PRKCA: variants seen among roughly 807,000 people sequenced by gnomAD.
The protein encoded by PRKCA is protein kinase C alpha type.
PRKCA carries 27 observed loss-of-function variants against 87.0 expected under a neutral mutation model. The ratio of observed to expected loss-of-function variants is 0.31; its 90% CI spans 0.23 to 0.43. PRKCA has a LOEUF of 0.43. PRKCA is among the 20% of genes least tolerant of loss of function. The probability of loss-of-function intolerance (pLI) is 1.00; values close to 1 mark genes in which losing one functional copy is unlikely to be tolerated. For missense variants in PRKCA, 518 were observed against 852.3 expected (o/e 0.61, Z 4.88); for synonymous variants, 329 against 311.1 (o/e 1.06, Z -0.61).
intron 13 of PRKCA, among the ~76,000 whole-genome samples, chr17:66,759,343 G>A (rs1442203351): frequency 1.0e-4 from 15 of 150,280 alleles, no homozygotes; most frequent in African/African-American, 2.2e-4. Context: ...GTGACAGAGC[G>A]AGACTCCGTC....
intron 8 of PRKCA, among the ~76,000 whole-genome samples, chr17:66,722,243 T>C (rs1973632865): frequency 6.6e-6 from 1 of 152,206 alleles, no homozygotes; most frequent in African/African-American, 2.4e-5. Context: ...CCCTTTGAAA[T>C]TGCTGTTAAG....
chr17:66,557,485 A>T (rs1968534728), intron 3 of PRKCA, among the ~76,000 whole-genome samples: 1 of 152,190 alleles, frequency 6.6e-6, no homozygotes, highest in Non-Finnish European at 1.5e-5. Context: ...GAATTATGCA[A>T]GTCTTAAAAT....
intron 3 of PRKCA, among the ~76,000 whole-genome samples, chr17:66,625,260 T>C (rs187607484): frequency 1.5e-4 from 23 of 152,366 alleles, no homozygotes; most frequent in Non-Finnish European, 1.0e-4. Flanking sequence ...GAATTGCATG[T>C]AGCATAGAAA....
chr17:66,763,936 T>C (rs1176260767), intron 13 of PRKCA, among the ~76,000 whole-genome samples: 1 of 152,122 alleles, frequency 6.6e-6, no homozygotes, highest in Non-Finnish European at 1.5e-5. Context: ...TGTTAAGCAT[T>C]TGGGCCCCTT....
Position 66,438,309 on chromosome 17 carries a change from C to T in PRKCA, c.206-57892C>T, listed in dbSNP as rs369676295. On this transcript the variant is annotated intron_variant, in intron 2 of 16. Transcript: ENST00000413366. ...AGCTCAGTAGGTAAAGGGCGAATTCCGGCATTTCAGTGTCTCTTGCCATGG... is the reference window on the plus strand; with the variant it reads ...AGCTCAGTAGGTAAAGGGCGAATTCTGGCATTTCAGTGTCTCTTGCCATGG... 1.5e-4 allele frequency among the ~76,000 whole-genome samples: 23 copies of T among 152,106 alleles called. No homozygotes were observed. The East Asian group carries it at 1.5e-3, about 10-fold the overall frequency.
chr17:66,546,027 A>G (rs547791085), intron 3 of PRKCA, among the ~76,000 whole-genome samples: 1 of 152,248 alleles, frequency 6.6e-6, no homozygotes, highest in South Asian at 2.1e-4. Context: ...TTTACTTTTC[A>G]TATATCTGTG....
At chr17:66,392,894 T>C (rs1233424750) in intron 2 of PRKCA, among the ~76,000 whole-genome samples, 3 of 152,182 alleles carry the variant, frequency 2.0e-5, no homozygotes, top group African/African-American at 7.2e-5. Context: ...AAAGGCCACC[T>C]CTGAGGCACT....
chr17:66,522,809 TAAAA>T (rs1229424235), intron 3 of PRKCA, among the ~76,000 whole-genome samples: 1 of 126,360 alleles, frequency 7.9e-6, no homozygotes, highest in African/African-American at 3.0e-5. Context: ...GGTCGCTCAC[TAAAA>T]AAAAAAAAAA....
chr17:66,632,468 C>T (rs1432934006), intron 3 of PRKCA, among the ~76,000 whole-genome samples: 1 of 152,086 alleles, frequency 6.6e-6, no homozygotes, highest in Non-Finnish European at 1.5e-5. Flanking sequence ...CAAACTTGAC[C>T]TCCTGGGCTC....
chr17:66,445,434 C>T (rs78443663), intron 2 of PRKCA, among the ~76,000 whole-genome samples: 7,911 of 152,316 alleles, frequency 0.052, 278 homozygotes, highest in South Asian at 0.096. Flanking sequence ...AGAATTACCT[C>T]GGAGTAGAAG....
intron 2 of PRKCA, among the ~76,000 whole-genome samples, chr17:66,382,241 A>G (rs1218280169): frequency 6.6e-6 from 1 of 152,184 alleles, no homozygotes; most frequent in Non-Finnish European, 1.5e-5. Context: ...CTCGGGGGCA[A>G]TGCACTGAAG....
chr17:66,682,715 G>T (rs931478058), intron 5 of PRKCA, among the ~76,000 whole-genome samples: 3 of 152,148 alleles, frequency 2.0e-5, no homozygotes, highest in African/African-American at 7.2e-5. Context: ...TTTTGTTGTT[G>T]TTGTTGTTGT....
intron 13 of PRKCA, among the ~76,000 whole-genome samples, chr17:66,743,399 G>A (rs779450138): frequency 6.6e-6 from 1 of 152,306 alleles, no homozygotes; most frequent in African/African-American, 2.4e-5. Flanking sequence ...GGGTGAGACG[G>A]GGGTTGCAGT....
chr17:66,434,207 G>A lies in PRKCA; in HGVS notation c.206-61994G>A, dbSNP rs558446056. ...TCTTGAGGTTTGGAGCAGCTTAACTGGGAGAGAAGGCAGCATCCTTTAATG... is the reference window on the plus strand; with the variant it reads ...TCTTGAGGTTTGGAGCAGCTTAACTAGGAGAGAAGGCAGCATCCTTTAATG... On this transcript the variant is annotated intron_variant, in intron 2 of 16. Coordinates refer to ENST00000413366, the MANE Select transcript of PRKCA (RefSeq NM_002737.3). Among the ~76,000 whole-genome samples, 3 of 151,894 alleles carry A rather than the reference G, an allele frequency of 2.0e-5. No homozygotes were observed. In the South Asian group the frequency reaches 6.3e-4, roughly 32 times the overall value.
At chr17:66,502,037 C>T (rs1393384844) in intron 3 of PRKCA, among the ~76,000 whole-genome samples, 2 of 152,184 alleles carry the variant, frequency 1.3e-5, no homozygotes, top group Non-Finnish European at 2.9e-5. Context: ...AACCTTAGCT[C>T]ACCAGTGTCT....
intron 2 of PRKCA, among the ~76,000 whole-genome samples, chr17:66,400,344 G>A (rs1489741548): frequency 1.3e-5 from 2 of 152,198 alleles, no homozygotes; most frequent in Non-Finnish European, 2.9e-5. Context: ...TAGAGATGCG[G>A]TTTTGCCATG....
chr17:66,704,159 TA>T (rs60117629), intron 8 of PRKCA, among the ~76,000 whole-genome samples: 44,122 of 140,766 alleles, frequency 0.31, 6,625 homozygotes, highest in African/African-American at 0.39. Context: ...TCAGCAAAGT[TA>T]AAAAAAAAAA....
intron 13 of PRKCA, among the ~76,000 whole-genome samples, chr17:66,769,812 C>G (rs1283751207): frequency 3.3e-5 from 5 of 152,150 alleles, no homozygotes; most frequent in African/African-American, 1.2e-4. Context: ...TCGTTGGGCT[C>G]GTTAATCCTT....
At chr17:66,308,601 A>G (rs914374610) in intron 2 of PRKCA, among the ~76,000 whole-genome samples, 1 of 152,214 alleles carries the variant, frequency 6.6e-6, no homozygotes, top group African/African-American at 2.4e-5. Context: ...TACAGTTCAC[A>G]GAGACCTTTT....
Sources: gnomAD v4.1 joint callset for allele counts (sites outside exome capture counted in the v4.1 genomes callset) on GRCh38, gnomAD v4.1.1 for gene constraint, MANE v1.5 for transcripts, NCBI Gene and HGNC (gene_info 2026-07-23, HGNC 2026-07-21) for gene names.